Variants in BIN1 observed in about 807,000 individuals in gnomAD.
BIN1 encodes myc box-dependent-interacting protein 1.
A neutral mutation model predicts 82.0 loss-of-function variants in BIN1; 53 were observed. The ratio of observed to expected loss-of-function variants is 0.65; its 90% CI spans 0.52 to 0.81. The LOEUF (loss-of-function observed/expected upper bound fraction) is 0.81, where lower values mean the gene tolerates loss of function less well. BIN1 is among the 40% of genes least tolerant of loss of function. The pLI is 0.00. For synonymous variants in BIN1, 302 were observed against 328.0 expected, an observed-to-expected ratio of 0.92 and a Z score of 0.86; for missense variants, 642 against 784.4, an observed-to-expected ratio of 0.82 and a Z score of 2.17.
At position 127,050,833 on chromosome 2, in the gene BIN1, C is replaced by A. The variant is rs766615886; in HGVS notation, c.1541G>T (p.Arg514Leu). Residue 514 changes from arginine (R) to leucine (L), a missense_variant, in exon 17 of 19, where the codon CGC becomes CTC. By Grantham distance (102) the Arg-to-Leu change is moderately radical. Coordinates refer to ENST00000316724, the MANE Select transcript of BIN1 (RefSeq NM_139343.3). ...GTVEGGSGAGRLDLPPGFMFK... is the reference protein window; with the variant it reads ...GTVEGGSGAGLLDLPPGFMFK... ...CATGAAACCTGGGGGCAGGTCCAAG[C>A]GCCCGGCCCCACTGCCGCCCTCCAC... 2.5e-6 allele frequency: 4 copies of A among 1,613,738 alleles called. No individual in the cohort carries two copies. The South Asian group carries it at 4.4e-5, about 18-fold the overall frequency.
chr2:127,093,650 G>C lies in BIN1; in HGVS notation c.84+13210C>G, dbSNP rs575317353. ...TGTCTGAAAACAGACAGTTCTCTCT[G>C]GTCCTTGCATCTTCATCGTTGAAGG... On this transcript the variant is annotated intron_variant, in intron 1 of 18. Transcript: ENST00000316724. This position sits in a 1 kb window ranked among gnomAD's most constrained non-coding sequence, Gnocchi z 5.7. Among the ~76,000 whole-genome samples the C allele has an allele frequency of 6.6e-6, 1 of 152,288 alleles. No homozygotes were observed. The highest frequency in any genetic ancestry group is 2.4e-5 in the African/African-American group (1 of 41,552).
intron 1 of BIN1, among the ~76,000 whole-genome samples, chr2:127,103,281 G>A (rs989532081): frequency 2.6e-5 from 4 of 152,170 alleles, no homozygotes; most frequent in Admixed American, 6.5e-5. Flanking sequence ...TGGCTCCTCC[G>A]GAGGAGGCTA....
rs1042277527 is a variant in BIN1 at position 127,048,552 on chromosome 2, C to T, written c.1756G>A (p.Glu586Lys). ...CATGGGACCCTCTCAGTGAAGTTCT[C>T]GGGGAAGACGCCACGGCACTTCTCC... Reference protein sequence around the residue: ...ELEKCRGVFPENFTERVP With the variant: ...ELEKCRGVFPKNFTERVP The change falls in exon 19 of 19, where the codon GAG (glutamate) becomes AAG (lysine). Residue 586 changes from glutamate to lysine, a missense_variant. By Grantham distance (56) the Glu-to-Lys change is moderately conservative (BLOSUM62 1). Coordinates refer to ENST00000316724, the MANE Select transcript of BIN1 (RefSeq NM_139343.3). 1.3e-5 allele frequency: 21 copies of T among 1,613,780 alleles called. No individual in the cohort carries two copies. The highest frequency in any genetic ancestry group is 1.6e-5 in the Non-Finnish European group (19 of 1,180,030).
intron 1 of BIN1, among the ~76,000 whole-genome samples, chr2:127,086,870 G>A (rs1026682050): frequency 3.9e-5 from 6 of 151,926 alleles, no homozygotes; most frequent in Admixed American, 2.0e-4. Context: ...CCCACATGGC[G>A]ATCCACCTTT....
intron 18 of BIN1, among the ~76,000 whole-genome samples, chr2:127,049,638 G>A (rs1462800965): frequency 1.3e-5 from 2 of 152,210 alleles, no homozygotes; most frequent in Admixed American, 6.5e-5. Flanking sequence ...GGTGCTCAGG[G>A]GCTGAGCCGT....
At position 127,067,672 on chromosome 2, in the gene BIN1, C is replaced by A. The variant is rs1256753501; in HGVS notation, c.612+491G>T. Among the ~76,000 whole-genome samples, 1 of 152,200 alleles carries A rather than the reference C, an allele frequency of 6.6e-6. No homozygotes were observed. Among genetic ancestry groups the A allele is most frequent in the East Asian group, 1.9e-4 (1 of 5,196 alleles). Reference sequence around the variant, plus strand: ...ACGCAGGGGCTTCAGTCAGGAGAGCCCCAACCCTGCCCCTAACCGGCTCTG... The same window carrying A: ...ACGCAGGGGCTTCAGTCAGGAGAGCACCAACCCTGCCCCTAACCGGCTCTG... On this transcript the variant is annotated intron_variant, in intron 7 of 18. Coordinates refer to ENST00000316724, the MANE Select transcript of BIN1 (RefSeq NM_139343.3). The surrounding 1 kb of genome is among the most constrained non-coding windows in gnomAD (Gnocchi z 4.7).
At chr2:127,099,031 G>A (rs1336855281) in intron 1 of BIN1, among the ~76,000 whole-genome samples, 2 of 152,154 alleles carry the variant, frequency 1.3e-5, no homozygotes, top group South Asian at 2.1e-4. Flanking sequence ...CAGGGTGGCC[G>A]GGGCAGGGTG....
Position 127,090,205 on chromosome 2 carries a change from AG to A in BIN1, c.85-13500del, listed in dbSNP as rs1264906186. 6.6e-6 allele frequency among the ~76,000 whole-genome samples: 1 copy of A among 152,190 alleles called. No individual in the cohort carries two copies. The highest frequency in any genetic ancestry group is 2.4e-5 in the African/African-American group (1 of 41,442). The stretch of plus-strand genomic sequence containing the variant: ...CATTACGCTGGGCCCCTTTGGGAAA[AG>A]GGTAAACCGACAAGAGGCCCCATGG... On this transcript the variant is annotated intron_variant, in intron 1 of 18. Transcript: ENST00000316724. This position sits in a 1 kb window ranked among gnomAD's most constrained non-coding sequence, Gnocchi z 6.4.
chr2:127,105,709 C>A (rs1302304183), intron 1 of BIN1, among the ~76,000 whole-genome samples: 1 of 152,190 alleles, frequency 6.6e-6, no homozygotes, highest in Non-Finnish European at 1.5e-5. Flanking sequence ...AGGGAGCCCG[C>A]GGGTCTCAGA....
At position 127,070,829 on chromosome 2, in the gene BIN1, G is replaced by A. The variant is rs1182776886; in HGVS notation, c.166-13C>T. The A allele has an allele frequency of 1.6e-5, 26 of 1,610,608 alleles. No homozygotes were observed. The highest frequency in any genetic ancestry group is 2.1e-5 in the Non-Finnish European group (25 of 1,179,396). On this transcript the variant is annotated splice_polypyrimidine_tract_variant and intron_variant, in intron 2 of 18. Transcript: ENST00000316724. The stretch of plus-strand genomic sequence containing the variant: ...GGGTGCCCTCCGTCTGCAAAGAGAA[G>A]GACAAGGACCAGGTCAGGGACTGGT...
chr2:127,076,960 C>A (rs115028469), intron 1 of BIN1, among the ~76,000 whole-genome samples: 303 of 152,238 alleles, frequency 2.0e-3, no homozygotes, highest in Admixed American at 3.1e-3. Context: ...GACGTAGTGA[C>A]CACAGCCAGG....
In BIN1 at chr2:127,068,177, GGTTA is replaced by G; in HGVS notation, c.594_597del (p.Asn199CysfsTer20). The G allele has an allele frequency of 6.2e-7, 1 of 1,613,764 alleles. No individual in the cohort carries two copies. Among genetic ancestry groups the G allele is most frequent in the Non-Finnish European group, 8.5e-7 (1 of 1,179,922 alleles). On this transcript the variant is annotated frameshift_variant, in exon 7 of 19. Coordinates refer to ENST00000316724, the MANE Select transcript of BIN1 (RefSeq NM_139343.3). LOFTEE classifies it high-confidence loss of function. The surrounding 1 kb of genome is among the most constrained non-coding windows in gnomAD (Gnocchi z 4.9). ...GCCAGTGTCACCTGATTTCGGAGCAGGTTAGTTTGAGCTACGAGATGAGCCTGCA... is the reference window on the plus strand; with the variant it reads ...GCCAGTGTCACCTGATTTCGGAGCAGGTTTGAGCTACGAGATGAGCCTGCA...
At chr2:127,050,066 G>A (rs1682692881) in intron 18 of BIN1, among the ~76,000 whole-genome samples, 2 of 152,234 alleles carry the variant, frequency 1.3e-5, no homozygotes, top group Non-Finnish European at 2.9e-5. Flanking sequence ...TCCCAGGAGG[G>A]AGGCAGGCCT....
At chr2:127,050,146 G>A (rs1682708408) in intron 18 of BIN1, among the ~76,000 whole-genome samples, 1 of 152,202 alleles carries the variant, frequency 6.6e-6, no homozygotes, top group Non-Finnish European at 1.5e-5. Flanking sequence ...AGCAAAGGGG[G>A]GACGTGGGGA....
At chr2:127,103,898 C>T (rs570977862) in intron 1 of BIN1, among the ~76,000 whole-genome samples, 1 of 152,384 alleles carries the variant, frequency 6.6e-6, no homozygotes, top group African/African-American at 2.4e-5. Flanking sequence ...GCTCCCAGCA[C>T]ACACAGTGCA....
chr2:127,106,823 T>C, intron 1 of BIN1, 37 bp downstream of exon 1: 2 of 1,568,678 alleles, frequency 1.3e-6, no homozygotes, highest in Non-Finnish European at 8.6e-7. Flanking sequence ...CCGCGGCGGC[T>C]GGGACTCCGC....
intron 2 of BIN1, among the ~76,000 whole-genome samples, chr2:127,073,055 G>A (rs570927661): frequency 1.3e-5 from 2 of 152,328 alleles, no homozygotes; most frequent in African/African-American, 4.8e-5. Flanking sequence ...CCCATGGGGT[G>A]GGTCGTTGTG....
At chr2:127,053,531 G>A (rs1401692995) in intron 13 of BIN1, 86 bp from the exon 14 acceptor site, 110 of 1,536,446 alleles carry the variant, frequency 7.2e-5, no homozygotes, top group Non-Finnish European at 9.0e-5. Flanking sequence ...CCCTACCCCC[G>A]CTCGCCCCAG....
intron 16 of BIN1, 100 bp from the exon 17 acceptor site, chr2:127,051,012 G>A (rs1407866083): frequency 1.8e-5 from 27 of 1,497,970 alleles, no homozygotes; most frequent in East Asian, 2.3e-5. Flanking sequence ...AGGTGTCTGC[G>A]CCTGGTGCCA....
Sources: gnomAD v4.1 joint callset for allele counts (sites outside exome capture counted in the v4.1 genomes callset) on GRCh38, gnomAD v4.1.1 for gene constraint, Gnocchi (gnomAD v3.1) non-coding constraint, MANE v1.5 for transcripts, NCBI Gene and HGNC (gene_info 2026-07-23, HGNC 2026-07-21) for gene names.